The following APP variants were observed in gnomAD, a reference collection of about 807,000 sequenced individuals.
The protein encoded by APP is amyloid beta precursor protein.
In APP, 31 loss-of-function variants were observed where a neutral mutation model predicts 101.4. The observed-to-expected ratio is 0.31, with a 90% CI of 0.23 to 0.41. The LOEUF (loss-of-function observed/expected upper bound fraction) is 0.41, where lower values mean the gene tolerates loss of function less well. Ranked by LOEUF, APP falls within the 10% of genes least tolerant of loss-of-function variation. The pLI is 1.00. For missense variants in APP, 839 were observed against 1,003.7 expected, an observed-to-expected ratio of 0.84 and a Z score of 2.22; for synonymous variants, 366 against 364.4, an observed-to-expected ratio of 1.00 and a Z score of -0.05.
At chr21:26,153,148 G>A (rs886880479) in intron 1 of APP, among the ~76,000 whole-genome samples, 2 of 152,188 alleles carry the variant, frequency 1.3e-5, no homozygotes, top group African/African-American at 2.4e-5. Flanking sequence ...TCACGAGGAG[G>A]AGGGTAATAG....
chr21:26,010,143 A>G (rs547994357), intron 6 of APP, among the ~76,000 whole-genome samples: 1 of 151,994 alleles, frequency 6.6e-6, no homozygotes, highest in Non-Finnish European at 1.5e-5. Flanking sequence ...GTCTCTGGTT[A>G]CAGCACAGAT....
At chr21:26,089,502 CTTTTTTTTTTTTTTTTT>C (rs34481840) in intron 3 of APP, 3 of 74,838 alleles carry the variant, frequency 4.0e-5, no homozygotes, top group African/African-American at 1.4e-4. Flanking sequence ...GTAGAACAGC[CTTTTTTTTTTTTTTTTT>C]TTTTTTTTTA....
chr21:25,902,595 T>C (rs2038563074), intron 15 of APP, among the ~76,000 whole-genome samples: 1 of 146,276 alleles, frequency 6.8e-6, no homozygotes, highest in South Asian at 2.2e-4. Flanking sequence ...CCCTCTCTTC[T>C]GAATAGAATT....
chr21:26,066,416 T>C (rs2046455474), intron 3 of APP, among the ~76,000 whole-genome samples: 1 of 152,144 alleles, frequency 6.6e-6, no homozygotes, highest in South Asian at 2.1e-4. Context: ...TCCAGAACTG[T>C]TTTCATCTTG....
At chr21:26,123,466 G>C (rs946726411) in intron 1 of APP, among the ~76,000 whole-genome samples, 6 of 152,196 alleles carry the variant, frequency 3.9e-5, no homozygotes, top group African/African-American at 1.2e-4. Context: ...GAACACTAAA[G>C]AATACTCCAG....
chr21:26,126,738 T>C (rs2062692438), intron 1 of APP, among the ~76,000 whole-genome samples: 1 of 152,030 alleles, frequency 6.6e-6, no homozygotes, highest in Non-Finnish European at 1.5e-5. Context: ...ATTATTTGGC[T>C]CAAAATGTCA....
intron 13 of APP, among the ~76,000 whole-genome samples, chr21:25,948,679 T>G (rs1177664859): frequency 6.6e-6 from 1 of 152,232 alleles, no homozygotes; most frequent in Admixed American, 6.5e-5. Context: ...AACAGCCATC[T>G]CTGAAAAGAG....
intron 6 of APP, among the ~76,000 whole-genome samples, chr21:26,018,456 A>G (rs1211926108): frequency 6.6e-6 from 1 of 152,270 alleles, no homozygotes; most frequent in African/African-American, 2.4e-5. Flanking sequence ...CAATTAGGGA[A>G]GAACCACAAG....
chr21:25,993,677 A>C (rs1218759087), intron 8 of APP, among the ~76,000 whole-genome samples: 2 of 152,222 alleles, frequency 1.3e-5, no homozygotes, highest in African/African-American at 4.8e-5. Flanking sequence ...AAATTTGTGG[A>C]AAGTACACGT....
At chr21:26,089,903 G>A in intron 3 of APP, 40 bp downstream of exon 3, 1 of 1,613,078 alleles carries the variant, frequency 6.2e-7, no homozygotes, top group Non-Finnish European at 8.5e-7. Flanking sequence ...CTCAAGACCA[G>A]GCCCCCAATC....
chr21:26,154,457 CTCATA>C (rs1367976196), intron 1 of APP, among the ~76,000 whole-genome samples: 4 of 152,286 alleles, frequency 2.6e-5, no homozygotes, highest in Middle Eastern at 6.8e-3. Context: ...CCTACATCAT[CTCATA>C]TATGTATAAT....
chr21:25,973,312 T>C (rs1426565054), intron 11 of APP, among the ~76,000 whole-genome samples: 3 of 152,142 alleles, frequency 2.0e-5, no homozygotes, highest in Non-Finnish European at 2.9e-5. Context: ...CAAGACCCAA[T>C]TACATGCTGC....
chr21:26,009,475 A>G (rs2043685168), intron 6 of APP: 1 of 152,244 alleles, frequency 6.6e-6, no homozygotes, highest in East Asian at 1.9e-4. Context: ...AAGTGGTATC[A>G]TTCCTATAAT....
intron 13 of APP, among the ~76,000 whole-genome samples, chr21:25,932,659 TAA>T (rs1225415124): frequency 6.6e-6 from 1 of 152,186 alleles, no homozygotes; most frequent in Non-Finnish European, 1.5e-5. Flanking sequence ...ATAGTTACTT[TAA>T]AAATGTTATT....
intron 11 of APP, among the ~76,000 whole-genome samples, chr21:25,965,398 A>T (rs1450322600): frequency 2.0e-5 from 3 of 152,240 alleles, no homozygotes; most frequent in Admixed American, 1.3e-4. Flanking sequence ...GCATATTCAT[A>T]CTTGGACTAT....
intron 13 of APP, among the ~76,000 whole-genome samples, chr21:25,936,504 T>C (rs945204862): frequency 4.6e-5 from 7 of 152,090 alleles, no homozygotes; most frequent in African/African-American, 1.7e-4. Flanking sequence ...GATCGTGCCA[T>C]TGCACTCCAG....
At chr21:26,033,990 C>A (rs2044970224) in intron 5 of APP, among the ~76,000 whole-genome samples, 1 of 152,190 alleles carries the variant, frequency 6.6e-6, no homozygotes, top group Non-Finnish European at 1.5e-5. Flanking sequence ...ATACAGCAGA[C>A]AGCTGAAAAC....
At chr21:26,097,708 C>T (rs2061975198) in intron 2 of APP, among the ~76,000 whole-genome samples, 1 of 152,186 alleles carries the variant, frequency 6.6e-6, no homozygotes, top group African/African-American at 2.4e-5. Context: ...GTACAGGAGT[C>T]TGAAAAGCAG....
chr21:25,911,613 T>C, intron 14 of APP, 128 bp downstream of exon 14: 1 of 760,850 alleles, frequency 1.3e-6, no homozygotes, highest in Non-Finnish European at 2.2e-6. Context: ...AATGAAAATA[T>C]TTATGACTAC....
Sources: gnomAD v4.1 joint callset for allele counts (sites outside exome capture counted in the v4.1 genomes callset) on GRCh38, gnomAD v4.1.1 for gene constraint, MANE v1.5 for transcripts, NCBI Gene and HGNC (gene_info 2026-07-23, HGNC 2026-07-21) for gene names.